The following CES4A variants were observed in gnomAD, a reference collection of about 807,000 sequenced individuals.
CES4A encodes carboxylesterase 6.
In CES4A, 48 loss-of-function variants were observed where a neutral mutation model predicts 65.4. The observed-to-expected ratio is 0.73, with a 90% CI of 0.58 to 0.93. The LOEUF is 0.93. Among genes scored for constraint, CES4A ranks in the 40% least tolerant of loss-of-function variants. The probability of loss-of-function intolerance (pLI) is 0.00; values close to 1 mark genes in which losing one functional copy is unlikely to be tolerated. For synonymous variants in CES4A, 247 were observed against 281.8 expected (o/e 0.88, Z 1.24); for missense variants, 685 against 728.5 (o/e 0.94, Z 0.69).
intron 2 of CES4A, 54 bp downstream of exon 2, chr16:66,995,883 C>T (rs911541683): frequency 1.3e-6 from 2 of 1,511,236 alleles, no homozygotes; most frequent in African/African-American, 2.8e-5. Flanking sequence ...ATGCCTGCAT[C>T]TGGGTGGGGC....
At chr16:66,994,014 T>C (rs538059666) in intron 1 of CES4A, among the ~76,000 whole-genome samples, 1 of 151,168 alleles carries the variant, frequency 6.6e-6, no homozygotes, top group Admixed American at 6.6e-5. Context: ...GGCAGGAGAA[T>C]GGCATGAACC....
chr16:66,991,003 C>A (rs1283419983), intron 1 of CES4A, among the ~76,000 whole-genome samples: 1 of 151,222 alleles, frequency 6.6e-6, no homozygotes, highest in African/African-American at 2.4e-5. Context: ...CTTTTCTTTT[C>A]TTTTCTTTTC....
At position 67,000,802 on chromosome 16, in the gene CES4A, C is replaced by CCG. The variant is rs1965248207; in HGVS notation, c.402+26_402+27dup. On this transcript the variant is annotated intron_variant, in intron 3 of 13. Transcript: ENST00000648724. This position sits in a 1 kb window ranked among gnomAD's most constrained non-coding sequence, Gnocchi z 4.2. ...CCAGTGAGTGCCAGGTCTCCCGCGC[C>CCG]CGCGGTCCCACCGCCGCCCACCGCC... 6.4e-7 allele frequency: 1 copy of CCG among 1,551,042 alleles called. No homozygotes were observed. Among genetic ancestry groups the CCG allele is most frequent in the Non-Finnish European group, 8.7e-7 (1 of 1,146,522 alleles).
Position 67,001,862 on chromosome 16 carries a change from G to A in CES4A, c.690+401G>A, listed in dbSNP as rs1411423602. 1.3e-5 allele frequency among the ~76,000 whole-genome samples: 2 copies of A among 152,252 alleles called. No individual in the cohort carries two copies. Among genetic ancestry groups the A allele is most frequent in the Admixed American group, 1.3e-4 (2 of 15,288 alleles). ...TTGACGGGCTTTGCCCCTGACTCCT[G>A]TGTGACTGCTGACCTGGGATGTGCC... is the stretch of plus-strand genomic sequence containing the variant. On this transcript the variant is annotated intron_variant, in intron 5 of 13. Transcript: ENST00000648724. This position sits in a 1 kb window ranked among gnomAD's most constrained non-coding sequence, Gnocchi z 4.1.
chr16:66,996,603 A>C (rs1225610202), intron 2 of CES4A, among the ~76,000 whole-genome samples: 1 of 152,200 alleles, frequency 6.6e-6, no homozygotes, highest in Non-Finnish European at 1.5e-5. Flanking sequence ...GTTTATTCAG[A>C]CTATTGAGTA....
chr16:67,001,001 C>T lies in CES4A; in HGVS notation c.536+11C>T. The T allele has an allele frequency of 6.5e-7, 1 of 1,549,128 alleles. No individual in the cohort carries two copies. The highest frequency in any genetic ancestry group is 8.8e-7 in the Non-Finnish European group (1 of 1,139,242). Reference sequence around the variant, plus strand: ...CTTCGGCTTCCTGAGGTGGCGGGGCCGGTACCCTTTGGGACCGCAGCTGTG... The same window carrying T: ...CTTCGGCTTCCTGAGGTGGCGGGGCTGGTACCCTTTGGGACCGCAGCTGTG... On this transcript the variant is annotated intron_variant, in intron 4 of 13. Transcript: ENST00000648724. This position sits in a 1 kb window ranked among gnomAD's most constrained non-coding sequence, Gnocchi z 4.1.
In CES4A at chr16:67,003,657, G is replaced by C; in HGVS notation, c.939+104G>C. 1.1e-6 allele frequency: 1 copy of C among 911,002 alleles called. No homozygotes were observed. Among genetic ancestry groups the C allele is most frequent in the Non-Finnish European group, 1.8e-6 (1 of 543,252 alleles). The allele number at this position is 911,002 out of a possible 1,614,324, so 56.4% of individuals were successfully genotyped here. ...TGTTCAGGCCAAGATCCCTTCCCTA[G>C]TGGAGCTGATGTTCCAGTGGGGAAG... On this transcript the variant is annotated intron_variant, in intron 8 of 13. Coordinates refer to ENST00000648724, the Ensembl canonical transcript of CES4A. The surrounding 1 kb of genome is among the most constrained non-coding windows in gnomAD (Gnocchi z 4.2).
At chr16:66,991,359 G>T (rs960402045) in intron 1 of CES4A, among the ~76,000 whole-genome samples, 1 of 152,074 alleles carries the variant, frequency 6.6e-6, no homozygotes, top group African/African-American at 2.4e-5. Context: ...TATACATTTC[G>T]CCAAATTATT....
rs1222024902 is a variant in CES4A, at chr16:67,001,331, G to A, written c.560G>A (p.Gly187Glu). Residue 187 changes from glycine to glutamate, a missense_variant, in exon 5 of 14, where the codon GGG becomes GAG. By Grantham distance (98) the Gly-to-Glu change is moderately conservative (BLOSUM62 -2). Coordinates refer to ENST00000648724, the Ensembl canonical transcript of CES4A. This position sits in a 1 kb window ranked among gnomAD's most constrained non-coding sequence, Gnocchi z 4.1. ...AGCACGGACGACAGCCACGCGCGCG[G>A]GAACTGGGGGCTGCTGGACCAGATG... 3.1e-6 allele frequency: 5 copies of A among 1,611,700 alleles called. No homozygotes were observed. The East Asian group carries it at 1.1e-4, about 36-fold the overall frequency.
downstream of CES4A, among the ~76,000 whole-genome samples, chr16:67,010,335 G>A (rs1966068040): frequency 6.6e-6 from 1 of 151,758 alleles, no homozygotes; most frequent in African/African-American, 2.4e-5. Context: ...TGAAGTGCTG[G>A]AATTACAGGC....
Position 67,003,510 on chromosome 16 carries a change from C to G in CES4A, c.901-5C>G, listed in dbSNP as rs747760762. ...TTAACTCTGATCCCTTCCTCTCCCC[C>G]ATAGAGATTCCTCCAACTGAACTTC... On this transcript the variant is annotated splice_polypyrimidine_tract_variant and splice_region_variant and intron_variant, in intron 7 of 13. Transcript: ENST00000648724. This position sits in a 1 kb window ranked among gnomAD's most constrained non-coding sequence, Gnocchi z 4.2. 4.3e-6 allele frequency: 7 copies of G among 1,613,082 alleles called. No homozygotes were observed. The East Asian group carries it at 1.6e-4, about 36-fold the overall frequency.
intron 5 of CES4A, among the ~76,000 whole-genome samples, chr16:67,002,335 TG>T (rs1183604489): frequency 6.6e-6 from 1 of 152,098 alleles, no homozygotes; most frequent in South Asian, 2.1e-4. Flanking sequence ...TTTAGAGAGA[TG>T]GCTCAGCCTG....
At chr16:67,005,684 TA>T (rs35245817) in intron 11 of CES4A, 1 of 308,374 alleles carries the variant, frequency 3.2e-6, no homozygotes, top group Non-Finnish European at 6.0e-6. Context: ...CCATCTCTAC[TA>T]AAAGTACAAA....
chr16:66,995,308 T>C (rs1226986377), intron 1 of CES4A, among the ~76,000 whole-genome samples: 1 of 148,818 alleles, frequency 6.7e-6, no homozygotes, highest in Admixed American at 6.7e-5. Flanking sequence ...AGACTCCATC[T>C]CAAAAAATAA....
chr16:67,006,612 C>T (rs1397059463), intron 12 of CES4A, 93 bp downstream of exon 12: 1 of 1,550,570 alleles, frequency 6.4e-7, no homozygotes, highest in Admixed American at 1.7e-5. Context: ...ACAGGGAGCT[C>T]ACCAGTTCCT....
At chr16:66,988,958 A>C in intron 1 of CES4A, 128 bp downstream of exon 1, 1 of 1,147,150 alleles carries the variant, frequency 8.7e-7, no homozygotes, top group Non-Finnish European at 1.2e-6. Flanking sequence ...GGGCAAATGG[A>C]GGGTAGGGTT....
At chr16:66,995,507 T>G (rs1046160914) in intron 1 of CES4A, 121 bp from the exon 2 acceptor site, 50 of 794,490 alleles carry the variant, frequency 6.3e-5, no homozygotes, top group East Asian at 1.7e-4. Flanking sequence ...TGCGCAGGGG[T>G]GACCCTTTTC....
At chr16:66,994,026 G>A (rs1039000919) in intron 1 of CES4A, among the ~76,000 whole-genome samples, 1 of 151,500 alleles carries the variant, frequency 6.6e-6, no homozygotes, top group African/African-American at 2.4e-5. Context: ...GCATGAACCT[G>A]GGAGGTGGGG....
chr16:67,006,483 G>C, exon 12 of CES4A: 3 of 1,536,734 alleles, frequency 2.0e-6, no homozygotes, highest in Non-Finnish European at 2.6e-6. Flanking sequence ...CCATGGGGAT[G>C]AGATGTACTT....
Sources: gnomAD v4.1 joint callset for allele counts (sites outside exome capture counted in the v4.1 genomes callset) on GRCh38, gnomAD v4.1.1 for gene constraint, Gnocchi (gnomAD v3.1) non-coding constraint, MANE v1.5 for transcripts, NCBI Gene and HGNC (gene_info 2026-07-23, HGNC 2026-07-21) for gene names.